The following EFR3A variants were observed in gnomAD, a reference collection of about 807,000 sequenced individuals.
The protein encoded by EFR3A is EFR3 homolog A.
EFR3A carries 76 observed loss-of-function variants against 104.4 expected under a neutral mutation model. That is an observed-to-expected ratio of 0.73 (90% confidence interval 0.60 to 0.88). The LOEUF (loss-of-function observed/expected upper bound fraction) is 0.88. Ranked by LOEUF, EFR3A falls within the 40% of genes least tolerant of loss-of-function variation. EFR3A has a pLI of 0.00. For synonymous variants in EFR3A, 330 were observed against 330.0 expected (o/e 1.00, Z 0.00); for missense variants, 985 against 1,012.5 (o/e 0.97, Z 0.37).
At chr8:131,921,243 T>G (rs1258901260) in intron 1 of EFR3A, among the ~76,000 whole-genome samples, 1 of 152,162 alleles carries the variant, frequency 6.6e-6, no homozygotes, top group Non-Finnish European at 1.5e-5. Flanking sequence ...GTGAGGGCTG[T>G]GAAGGAAGGA....
intron 1 of EFR3A, among the ~76,000 whole-genome samples, chr8:131,935,080 AC>A (rs1368949104): frequency 6.6e-6 from 1 of 152,128 alleles, no homozygotes; most frequent in Non-Finnish European, 1.5e-5. Context: ...GTCTCTTTTC[AC>A]CTTGATTACT....
intron 6 of EFR3A, among the ~76,000 whole-genome samples, chr8:131,955,446 C>T (rs1000584377): frequency 5.9e-5 from 9 of 151,836 alleles, no homozygotes; most frequent in Non-Finnish European, 8.8e-5. Context: ...GTCTCTGGGC[C>T]CTGTGTTCTT....
In EFR3A at chr8:131,977,108, C is replaced by G. The variant is rs1440918856; in HGVS notation, c.1326+16C>G. Reference sequence around the variant, plus strand: ...TTTGCTTATGGTAAGGCATTTAAGACAAATAAAGGACACACTTAACCTTAA... The same window carrying G: ...TTTGCTTATGGTAAGGCATTTAAGAGAAATAAAGGACACACTTAACCTTAA... On this transcript the variant is annotated intron_variant, in intron 12 of 22. Transcript: ENST00000254624. 1 of 1,576,952 alleles carries G rather than the reference C, an allele frequency of 6.3e-7. No individual in the cohort carries two copies. The highest frequency in any genetic ancestry group is 8.7e-7 in the Non-Finnish European group (1 of 1,155,468).
chr8:132,007,946 A>G (rs1822128271), intron 22 of EFR3A, among the ~76,000 whole-genome samples: 2 of 152,038 alleles, frequency 1.3e-5, no homozygotes, highest in Admixed American at 1.3e-4. Context: ...ACAAACATTA[A>G]TTATTAAGTT....
Position 131,950,012 on chromosome 8 carries a change from A to G in EFR3A, c.410A>G (p.His137Arg). 3.7e-6 allele frequency: 6 copies of G among 1,605,878 alleles called. No individual in the cohort carries two copies. The highest frequency in any genetic ancestry group is 4.2e-6 in the Non-Finnish European group (5 of 1,176,968). ...ATTGAAGAAGACACACCATCCTATC[A>G]CAGACGTTATGACTTTTTTGTGTCT... The part of the protein sequence containing the change: ...ANIEEDTPSY[H>R]RRYDFFVSRF... The change falls in exon 5 of 23, where the codon CAC (histidine) becomes CGC (arginine). Residue 137 changes from histidine (H) to arginine (R), a missense_variant. By Grantham distance (29) the His-to-Arg change is conservative. Coordinates refer to ENST00000254624, the MANE Select transcript of EFR3A (RefSeq NM_015137.6).
Position 131,978,843 on chromosome 8 carries a change from T to G in EFR3A, c.1327-4T>G. ...AGGTTGTTTGTTTTCTTCTCGATAATCAGGTGACCTCTGGATATAAAGCGA... is the reference window on the plus strand; with the variant it reads ...AGGTTGTTTGTTTTCTTCTCGATAAGCAGGTGACCTCTGGATATAAAGCGA... On this transcript the variant is annotated splice_polypyrimidine_tract_variant and splice_region_variant and intron_variant, in intron 12 of 22. Transcript: ENST00000254624. The G allele has an allele frequency of 6.5e-7, 1 of 1,539,140 alleles. No homozygotes were observed. The highest frequency in any genetic ancestry group is 8.7e-7 in the Non-Finnish European group (1 of 1,144,780).
intron 18 of EFR3A, among the ~76,000 whole-genome samples, chr8:131,991,684 A>G (rs927965826): frequency 6.6e-6 from 1 of 152,122 alleles, no homozygotes; most frequent in East Asian, 1.9e-4. Flanking sequence ...GAGAAAGAGG[A>G]TGGAATGGCT....
rs557893051 is a variant in EFR3A at position 132,006,947 on chromosome 8, A to G, written c.2360+3662A>G. Among the ~76,000 whole-genome samples the G allele has an allele frequency of 5.3e-5, 8 of 152,104 alleles. No homozygotes were observed. The South Asian group carries it at 1.7e-3, about 32-fold the overall frequency. On this transcript the variant is annotated intron_variant, in intron 22 of 22. Coordinates refer to ENST00000254624, the MANE Select transcript of EFR3A (RefSeq NM_015137.6). Reference sequence around the variant, plus strand: ...CCAGTAGGAAAAAAAGCATTTGAAAAAGCTCAATGTTCATTTAAGACAAAA... The same window carrying G: ...CCAGTAGGAAAAAAAGCATTTGAAAGAGCTCAATGTTCATTTAAGACAAAA...
chr8:131,904,347 G>A lies in EFR3A; in HGVS notation c.10+25G>A, dbSNP rs1174032868. ...CGTGAGTGGCCGGCCGAGGGCCGGG[G>A]GCGTTGGGAGGCGACTGCCTGCGCG... is the stretch of plus-strand genomic sequence containing the variant. On this transcript the variant is annotated intron_variant, in intron 1 of 22. Transcript: ENST00000254624. 1.2e-5 allele frequency: 15 copies of A among 1,246,400 alleles called. No individual in the cohort carries two copies. The South Asian group carries it at 4.7e-4, about 39-fold the overall frequency. 77.2% of individuals were successfully genotyped at this position (1,246,400 alleles called of 1,614,324 possible).
At chr8:131,982,187 T>G (rs141341052) in intron 14 of EFR3A, among the ~76,000 whole-genome samples, 4 of 152,218 alleles carry the variant, frequency 2.6e-5, no homozygotes, top group African/African-American at 9.6e-5. Flanking sequence ...TTTTTACAGT[T>G]TGATAACCTA....
At chr8:131,949,736 C>A (rs1345816705) in intron 4 of EFR3A, among the ~76,000 whole-genome samples, 1 of 145,106 alleles carries the variant, frequency 6.9e-6, no homozygotes, top group Non-Finnish European at 1.5e-5. Context: ...ATCACTTGAG[C>A]CTAGGAATTC....
At chr8:131,911,426 T>TC (rs1816505926) in intron 1 of EFR3A, among the ~76,000 whole-genome samples, 1 of 152,130 alleles carries the variant, frequency 6.6e-6, no homozygotes, top group South Asian at 2.1e-4. Context: ...AATTGCAGGA[T>TC]CACCAGAGAA....
intron 2 of EFR3A, 157 bp downstream of exon 2, chr8:131,940,732 A>T: frequency 8.1e-7 from 1 of 1,236,374 alleles, no homozygotes; most frequent in East Asian, 2.6e-5. Context: ...TTACTCTTAA[A>T]TGACCCATGC....
At chr8:131,967,395 A>C (rs949315677) in intron 8 of EFR3A, among the ~76,000 whole-genome samples, 8 of 151,940 alleles carry the variant, frequency 5.3e-5, no homozygotes, top group Non-Finnish European at 1.0e-4. Flanking sequence ...ACACATTCCA[A>C]AGGAAAGAAA....
At chr8:131,958,481 A>G (rs1050596586) in intron 7 of EFR3A, among the ~76,000 whole-genome samples, 1 of 152,126 alleles carries the variant, frequency 6.6e-6, no homozygotes, top group Non-Finnish European at 1.5e-5. Flanking sequence ...CTTCTTTAGA[A>G]CAGGTAGCCA....
chr8:132,002,720 C>T lies in EFR3A; in HGVS notation c.2310+14C>T, dbSNP rs373352547. The stretch of plus-strand genomic sequence containing the variant: ...TGTGAATCCAAAGTAAGTGAAGAAA[C>T]GGTGAAGGGCTTGTGGGTGGACTGT... On this transcript the variant is annotated intron_variant, in intron 21 of 22. Transcript: ENST00000254624. The T allele has an allele frequency of 4.6e-5, 74 of 1,596,880 alleles. No individual in the cohort carries two copies. The African/African-American group carries it at 7.1e-4, about 15-fold the overall frequency.
intron 18 of EFR3A, among the ~76,000 whole-genome samples, chr8:131,990,014 C>T (rs1212221488): frequency 6.6e-6 from 1 of 152,200 alleles, no homozygotes; most frequent in African/African-American, 2.4e-5. Flanking sequence ...CCATCTGAAT[C>T]GTTCAGAGGT....
rs75773979 is a variant in EFR3A, at chr8:131,937,277, C to T, written c.11-3222C>T. 7.0e-3 allele frequency among the ~76,000 whole-genome samples: 1,062 copies of T among 152,266 alleles called. 5 individuals carry two copies. Among genetic ancestry groups the T allele is most frequent in the Middle Eastern group, 0.017 (5 of 294 alleles). On this transcript the variant is annotated intron_variant, in intron 1 of 22. Coordinates refer to ENST00000254624, the MANE Select transcript of EFR3A (RefSeq NM_015137.6). ...ATTAAGTGTGTTTAGGTGGCTTCTA[C>T]ACTCCAGGCACTTTTTATGTATTAT...
intron 17 of EFR3A, among the ~76,000 whole-genome samples, chr8:131,986,537 A>G (rs957541052): frequency 6.6e-6 from 1 of 152,106 alleles, no homozygotes; most frequent in Non-Finnish European, 1.5e-5. Flanking sequence ...TAATCCTAAC[A>G]CTTCGGGACG....
Sources: gnomAD v4.1 joint callset for allele counts (sites outside exome capture counted in the v4.1 genomes callset) on GRCh38, gnomAD v4.1.1 for gene constraint, MANE v1.5 for transcripts, NCBI Gene and HGNC (gene_info 2026-07-23, HGNC 2026-07-21) for gene names.